Variants in ERAP1 observed in about 807,000 individuals in gnomAD.
ERAP1 encodes endoplasmic reticulum aminopeptidase 1.
In ERAP1, 86 loss-of-function variants were observed where a neutral mutation model predicts 103.7. The observed-to-expected ratio is 0.83, with a 90% CI of 0.70 to 0.99. The LOEUF (loss-of-function observed/expected upper bound fraction) is 0.99. Among genes scored for constraint, ERAP1 ranks in the 50% least tolerant of loss-of-function variants. The probability of loss-of-function intolerance (pLI) is 0.00; values close to 1 mark genes in which losing one functional copy is unlikely to be tolerated. For missense variants in ERAP1, 1,009 were observed against 1,128.4 expected (o/e 0.89, Z 1.52); for synonymous variants, 398 against 402.4 (o/e 0.99, Z 0.13).
At chr5:96,908,033 C>T in the ERAP1 span, among the ~76,000 whole-genome samples, 1 of 152,252 alleles carries the variant, frequency 6.6e-6, no homozygotes, top group African/African-American at 2.4e-5. Flanking sequence ...AAAGGGACAA[C>T]AAAAGTTGGT....
chr5:96,918,494 T>C, the ERAP1 span: 1 of 152,206 alleles, frequency 6.6e-6, no homozygotes, highest in Non-Finnish European at 1.5e-5. Flanking sequence ...CTTACATTCA[T>C]GAAGAACCTC....
At chr5:96,923,122 C>T in the ERAP1 span, among the ~76,000 whole-genome samples, 1 of 152,166 alleles carries the variant, frequency 6.6e-6, no homozygotes, top group East Asian at 1.9e-4. Flanking sequence ...TGAAGATGTG[C>T]ACCACAATGG....
At chr5:96,808,142 C>G (rs151949), upstream of ERAP1, 2 of 473,060 alleles carry the variant, frequency 4.2e-6, no homozygotes, top group Non-Finnish European at 5.4e-6. Flanking sequence ...GGTTGCGATG[C>G]GGGGGATCAG....
intron 15 of ERAP1, among the ~76,000 whole-genome samples, chr5:96,782,465 A>G (rs2150909291): frequency 6.6e-6 from 1 of 152,330 alleles, no homozygotes; most frequent in East Asian, 1.9e-4. Flanking sequence ...CTTTCAAGCC[A>G]AAAGAAATTC....
chr5:96,908,182 T>C, the ERAP1 span, among the ~76,000 whole-genome samples: 1 of 152,186 alleles, frequency 6.6e-6, no homozygotes, highest in Admixed American at 6.5e-5. Context: ...AGTTTCCACA[T>C]CACACGATTG....
the ERAP1 span, chr5:96,908,955 C>T: frequency 2.5e-6 from 4 of 1,612,284 alleles, no homozygotes; most frequent in Non-Finnish European, 3.4e-6. Flanking sequence ...TTGTTTTATA[C>T]TTCAGTGCAG....
At chr5:96,892,197 C>T in the ERAP1 span, 2 of 1,222,532 alleles carry the variant, frequency 1.6e-6, no homozygotes, top group Admixed American at 4.2e-5. Flanking sequence ...AAAAAGTCTG[C>T]TTAAATATGC....
At chr5:96,817,508 T>G in the ERAP1 span, among the ~76,000 whole-genome samples, 1 of 152,346 alleles carries the variant, frequency 6.6e-6, no homozygotes, top group African/African-American at 2.4e-5. Flanking sequence ...GTGTCAGGGT[T>G]CAATGGCAGA....
At chr5:96,912,588 G>T in the ERAP1 span, 3 of 1,514,310 alleles carry the variant, frequency 2.0e-6, no homozygotes, top group Non-Finnish European at 1.8e-6. Context: ...TAAGAAAAAA[G>T]TTTTTCTTTC....
chr5:96,801,284 C>T (rs181928017), intron 2 of ERAP1, among the ~76,000 whole-genome samples: 97 of 151,730 alleles, frequency 6.4e-4, no homozygotes, highest in African/African-American at 2.3e-3. Context: ...ATGGTAAAAC[C>T]CCATCTCTAC....
the ERAP1 span, among the ~76,000 whole-genome samples, chr5:96,865,420 C>T: frequency 1.1e-4 from 16 of 152,160 alleles, 1 homozygote; most frequent in Admixed American, 5.9e-4. Flanking sequence ...TTCCAAAGTA[C>T]GAACTAGTTC....
the ERAP1 span, among the ~76,000 whole-genome samples, chr5:96,857,105 T>G: frequency 6.6e-6 from 1 of 152,220 alleles, no homozygotes; most frequent in African/African-American, 2.4e-5. Flanking sequence ...CTCTGCCCTC[T>G]GCATCTGCTC....
intron 1 of ERAP1, chr5:96,805,748 A>G (rs1395536206): frequency 6.6e-6 from 1 of 152,236 alleles, no homozygotes; most frequent in African/African-American, 2.4e-5. Context: ...TCCATATGGA[A>G]TTACTGGCAG....
chr5:96,783,827 AC>A, intron 14 of ERAP1, 96 bp downstream of exon 14: 2 of 286,472 alleles, frequency 7.0e-6, no homozygotes, highest in Non-Finnish European at 1.5e-5. Flanking sequence ...ATACACACAC[AC>A]ACACACACAC....
At chr5:96,883,465 CAT>C in the ERAP1 span, among the ~76,000 whole-genome samples, 4 of 152,140 alleles carry the variant, frequency 2.6e-5, no homozygotes, top group Admixed American at 2.0e-4. Context: ...ATGTAGACAA[CAT>C]GTGTACTATT....
the ERAP1 span, among the ~76,000 whole-genome samples, chr5:96,858,595 A>T: frequency 6.6e-6 from 1 of 152,210 alleles, no homozygotes; most frequent in African/African-American, 2.4e-5. Context: ...TATGCCAAAG[A>T]ATACTGAATG....
chr5:96,792,275 C>A, intron 7 of ERAP1, 83 bp from the exon 8 acceptor site: 1 of 1,371,826 alleles, frequency 7.3e-7, no homozygotes, highest in Non-Finnish European at 1.0e-6. Context: ...TTATCTGAGG[C>A]AAGAAGTCCA....
At position 96,774,845 on chromosome 5, in the gene ERAP1, AATGGCAGATTT is replaced by A; in HGVS notation, c.*1540_*1550del. ...ATTTGTTGTAGTGAATGGTTTAATA[AATGGCAGATTT>A]ATGTCCAGAAGTCACTCTATTTTGT... is the stretch of plus-strand genomic sequence containing the variant. On this transcript the variant is annotated 3_prime_UTR_variant, in exon 19 of 19. Transcript: ENST00000443439. The A allele has an allele frequency of 1.0e-6, 1 of 985,562 alleles. No homozygotes were observed. Among genetic ancestry groups the A allele is most frequent in the Non-Finnish European group, 1.2e-6 (1 of 829,890 alleles). 61.1% of individuals were successfully genotyped at this position (985,562 alleles called of 1,614,324 possible). A position where few individuals can be genotyped will look rare whatever the true frequency, so the allele number is the denominator to read the frequency against.
chr5:96,903,565 G>T, the ERAP1 span: 15 of 1,586,578 alleles, frequency 9.5e-6, no homozygotes, highest in African/African-American at 1.8e-4. Flanking sequence ...AGTTGGGTAA[G>T]GCAACATTTC....
Sources: gnomAD v4.1 joint callset for allele counts (sites outside exome capture counted in the v4.1 genomes callset) on GRCh38, gnomAD v4.1.1 for gene constraint, MANE v1.5 for transcripts, NCBI Gene and HGNC (gene_info 2026-07-23, HGNC 2026-07-21) for gene names.